REEP1: variants seen among roughly 807,000 people sequenced by gnomAD.
REEP1 encodes receptor expression-enhancing protein 1.
A neutral mutation model predicts 40.3 loss-of-function variants in REEP1; 22 were observed. The observed-to-expected ratio is 0.55, with a 90% CI of 0.39 to 0.78. REEP1 has a LOEUF of 0.78. REEP1 is among the 30% of genes least tolerant of loss of function. REEP1 has a pLI of 0.00. For missense variants in REEP1, 280 were observed against 361.1 expected (o/e 0.78, Z 1.82); for synonymous variants, 116 against 139.2 (o/e 0.83, Z 1.17).
At chr2:86,332,079 C>G (rs1030006223) in intron 1 of REEP1, among the ~76,000 whole-genome samples, 12 of 152,078 alleles carry the variant, frequency 7.9e-5, no homozygotes, top group African/African-American at 2.2e-4. Context: ...CAGGGAAGCC[C>G]CAGTGTGACT....
intron 1 of REEP1, among the ~76,000 whole-genome samples, chr2:86,288,032 A>ATTTTTTTTTTTTTTTTTTTTTTTTTTTTT (rs1558916457): frequency 2.0e-5 from 3 of 149,752 alleles, no homozygotes; most frequent in African/African-American, 7.6e-5. Flanking sequence ...TATTTTTATT[A>ATTTTTTTTTTTTTTTTTTTTTTTTTTTTT]TTTTTTTGAG....
chr2:86,310,029 C>T (rs1679685997), intron 1 of REEP1, among the ~76,000 whole-genome samples: 1 of 152,186 alleles, frequency 6.6e-6, no homozygotes, highest in South Asian at 2.1e-4. Context: ...GATCACCAAG[C>T]ATGTCTGTAC....
intron 1 of REEP1, among the ~76,000 whole-genome samples, chr2:86,335,741 C>T (rs1213939842): frequency 2.6e-5 from 4 of 151,258 alleles, no homozygotes; most frequent in African/African-American, 9.7e-5. Context: ...CCCAGCTACT[C>T]GGGAGGCTGA....
chr2:86,284,281 T>A (rs1345097766), intron 1 of REEP1, among the ~76,000 whole-genome samples: 1 of 152,194 alleles, frequency 6.6e-6, no homozygotes, highest in South Asian at 2.1e-4. Context: ...CTCCTGTACC[T>A]GCCCCTTTCT....
chr2:86,255,466 A>C (rs1318035460), intron 3 of REEP1, among the ~76,000 whole-genome samples: 5 of 152,124 alleles, frequency 3.3e-5, no homozygotes, highest in Non-Finnish European at 7.4e-5. Context: ...GATAGCACAT[A>C]ATTCTGGAGT....
intron 5 of REEP1, among the ~76,000 whole-genome samples, chr2:86,244,135 G>A (rs1368966132): frequency 6.6e-6 from 1 of 152,138 alleles, no homozygotes; most frequent in Non-Finnish European, 1.5e-5. Flanking sequence ...GCAAAACAAA[G>A]GCAAGGCAAC....
intron 1 of REEP1, among the ~76,000 whole-genome samples, chr2:86,329,793 C>A (rs555488251): frequency 6.6e-6 from 1 of 152,098 alleles, no homozygotes; most frequent in African/African-American, 2.4e-5. Context: ...CCACCCAACA[C>A]GCACTCGCTG....
intron 6 of REEP1, among the ~76,000 whole-genome samples, chr2:86,230,089 G>A (rs897734522): frequency 7.9e-5 from 12 of 152,202 alleles, no homozygotes; most frequent in Admixed American, 4.6e-4. Context: ...CAGCACAGCT[G>A]GTCCTCTCAG....
chr2:86,265,497 C>A (rs1314124405), intron 2 of REEP1, among the ~76,000 whole-genome samples: 2 of 151,550 alleles, frequency 1.3e-5, no homozygotes, highest in Non-Finnish European at 2.9e-5. Context: ...ACATTCTTCA[C>A]AAGAAGGCAA....
chr2:86,279,943 T>C (rs991093717), intron 2 of REEP1: 8 of 456,120 alleles, frequency 1.8e-5, no homozygotes, highest in South Asian at 1.1e-4. Context: ...AAAACTAATA[T>C]AGGAGGCTAC....
At chr2:86,284,052 T>C (rs1478078963) in intron 1 of REEP1, among the ~76,000 whole-genome samples, 2 of 151,958 alleles carry the variant, frequency 1.3e-5, no homozygotes, top group Admixed American at 1.3e-4. Context: ...GAGAGGGTAG[T>C]GCCAAAGACA....
intron 3 of REEP1, among the ~76,000 whole-genome samples, chr2:86,260,027 C>T (rs1485500879): frequency 2.0e-5 from 3 of 152,172 alleles, no homozygotes; most frequent in Admixed American, 6.5e-5. Context: ...CTCAGAGCTG[C>T]GGAGATGGTG....
intron 4 of REEP1, 113 bp downstream of exon 4, chr2:86,254,580 TG>T: frequency 1.8e-6 from 2 of 1,131,026 alleles, no homozygotes; most frequent in Non-Finnish European, 2.6e-6. Context: ...AATGACTTGC[TG>T]GAGGCAAATG....
At chr2:86,279,894 A>C (rs987588488) in intron 2 of REEP1, 52 of 452,102 alleles carry the variant, frequency 1.2e-4, no homozygotes, top group African/African-American at 1.0e-3. Flanking sequence ...AGGTGTTTTA[A>C]GCCACTAAGT....
At chr2:86,330,436 TG>T (rs1680714647) in intron 1 of REEP1, among the ~76,000 whole-genome samples, 2 of 150,562 alleles carry the variant, frequency 1.3e-5, no homozygotes, top group African/African-American at 4.9e-5. Flanking sequence ...TGTGTGTGTG[TG>T]TGTGTGTGTG....
intron 3 of REEP1, among the ~76,000 whole-genome samples, chr2:86,258,497 C>A (rs1294812018): frequency 6.6e-6 from 1 of 152,138 alleles, no homozygotes. Flanking sequence ...CCACATAAAG[C>A]CTTAAAATCT....
chr2:86,254,356 T>C (rs772004104), intron 4 of REEP1, among the ~76,000 whole-genome samples: 2 of 152,140 alleles, frequency 1.3e-5, no homozygotes, highest in Non-Finnish European at 2.9e-5. Context: ...AAATAGTCTA[T>C]GTAAAAATCA....
rs761076037 is a variant in REEP1 at position 86,214,905 on chromosome 2, C to A, written c.*2134G>T. ...CAAACTTGATAACCTGTACTTGTCA[C>A]AACTCTCCATTGTAAAATGGCGAAA... On this transcript the variant is annotated 3_prime_UTR_variant, in exon 9 of 9. Coordinates refer to ENST00000538924, the MANE Select transcript of REEP1 (RefSeq NM_001371279.1). 6.6e-6 allele frequency: 1 copy of A among 150,500 alleles called. No homozygotes were observed. The highest frequency in any genetic ancestry group is 1.5e-5 in the Non-Finnish European group (1 of 67,834). 9.3% of individuals were successfully genotyped at this position (150,500 alleles called of 1,614,324 possible). A position where few individuals can be genotyped will look rare whatever the true frequency, so the allele number is the denominator to read the frequency against.
At chr2:86,227,202 T>C (rs1366896260) in intron 7 of REEP1, among the ~76,000 whole-genome samples, 161 bp downstream of exon 7, 3 of 152,230 alleles carry the variant, frequency 2.0e-5, no homozygotes, top group Non-Finnish European at 4.4e-5. Context: ...CCACAGGAAC[T>C]GTAAGCTACT....
Sources: allele counts gnomAD v4.1 joint callset (sites outside exome capture counted in the v4.1 genomes callset), GRCh38; gene constraint gnomAD v4.1.1; transcripts MANE v1.5; gene names NCBI Gene and HGNC (gene_info 2026-07-23, HGNC 2026-07-21).